Variants in GOLGA4 observed in about 807,000 individuals in gnomAD.
GOLGA4 encodes golgin A4.
Under a neutral mutation model 265.9 loss-of-function variants are expected in GOLGA4, and 169 were observed. The observed-to-expected ratio is 0.64, with a 90% CI of 0.56 to 0.72. The LOEUF (loss-of-function observed/expected upper bound fraction) is 0.72. Among genes scored for constraint, GOLGA4 ranks in the 30% least tolerant of loss-of-function variants. The pLI, the probability that GOLGA4 is intolerant of heterozygous loss-of-function variation, is 0.00. For missense variants in GOLGA4, 2,482 were observed against 2,483.4 expected (o/e 1.00, Z 0.01); for synonymous variants, 923 against 855.8 (o/e 1.08, Z -1.37).
chr3:37,275,663 G>A (rs1169113609), intron 2 of GOLGA4: 11 of 1,610,976 alleles, frequency 6.8e-6, no homozygotes, highest in Non-Finnish European at 9.3e-6. Flanking sequence ...CTTGCCAGCG[G>A]GGTGGGCGCG....
chr3:37,315,664 A>G (rs1342309145), intron 11 of GOLGA4, 66 bp downstream of exon 11: 15 of 1,242,734 alleles, frequency 1.2e-5, no homozygotes, highest in South Asian at 5.1e-5. Context: ...TTTTCCTTAC[A>G]CTCTTTGACT....
In GOLGA4 at chr3:37,319,072, G is replaced by C. The variant is rs140732015; in HGVS notation, c.1423G>C (p.Glu475Gln). The change falls in exon 12 of 24, where the codon GAA becomes CAA. Residue 475 changes from glutamate (E) to glutamine (Q), a missense_variant. Coordinates refer to ENST00000361924, the MANE Select transcript of GOLGA4 (RefSeq NM_002078.5). ...TTTGGCTCATTTTCAGAAATCCTCA[G>C]AAGAACAAATTGCTAAGCTACAGAA... is the stretch of plus-strand genomic sequence containing the variant. ...EVVDVMKKSS[E>Q]EQIAKLQKLH... The C allele has an allele frequency of 1.1e-5, 17 of 1,590,066 alleles. No homozygotes were observed. The highest frequency in any genetic ancestry group is 2.7e-5 in the African/African-American group (2 of 73,614).
rs112449483 is a variant in GOLGA4, at chr3:37,274,942, G to A, written c.163-7016G>A. ...CTAACAAATGTTTAGGGCCGGGTGCGGTGGCTCATGCCTGTAATCCCAGCA... is the reference window on the plus strand; with the variant it reads ...CTAACAAATGTTTAGGGCCGGGTGCAGTGGCTCATGCCTGTAATCCCAGCA... On this transcript the variant is annotated intron_variant, in intron 2 of 23. Transcript: ENST00000361924. 3.5e-3 allele frequency among the ~76,000 whole-genome samples: 537 copies of A among 151,422 alleles called. 4 individuals are homozygous for A. Among genetic ancestry groups the A allele is most frequent in the African/African-American group, 0.012 (505 of 41,316 alleles).
intron 20 of GOLGA4, among the ~76,000 whole-genome samples, chr3:37,341,064 G>A (rs2097032218): frequency 6.6e-6 from 1 of 152,086 alleles, no homozygotes; most frequent in Non-Finnish European, 1.5e-5. Flanking sequence ...CTACATGGGA[G>A]GCTGAGGCAG....
Position 37,326,525 on chromosome 3 carries a change from G to A in GOLGA4, c.4639G>A (p.Val1547Ile), listed in dbSNP as rs770691245. The change falls in exon 14 of 24, where the codon GTT (valine) becomes ATT (isoleucine). Residue 1547 changes from valine (V) to isoleucine (I), a missense_variant. Val to Ile is a conservative substitution (Grantham distance 29). This residue lies in a region of GOLGA4 where 942 missense variants were observed against 983.1 expected (regional missense o/e 0.96). Coordinates refer to ENST00000361924, the MANE Select transcript of GOLGA4 (RefSeq NM_002078.5). ...TATTGAAATAGAGTCCTTAAATGAA[G>A]TTCTTAAAAATTACAATCAACAAAA... ...KTIEIESLNE[V>I]LKNYNQQKDI... is the part of the protein sequence containing the mutation. The A allele has an allele frequency of 1.2e-6, 2 of 1,606,796 alleles. No homozygotes were observed. Among genetic ancestry groups the A allele is most frequent in the African/African-American group, 1.3e-5 (1 of 74,462 alleles).
At chr3:37,335,249 C>T in intron 17 of GOLGA4, 83 bp downstream of exon 17, 1 of 718,782 alleles carries the variant, frequency 1.4e-6, no homozygotes. Flanking sequence ...AACATACATA[C>T]ATATTTATCT....
intron 2 of GOLGA4, among the ~76,000 whole-genome samples, chr3:37,266,123 T>C (rs1424007992): frequency 6.6e-6 from 1 of 152,050 alleles, no homozygotes; most frequent in Non-Finnish European, 1.5e-5. Context: ...TTACGTAGCT[T>C]GCGTGTCTGA....
rs756153462 is a variant in GOLGA4 at position 37,299,369 on chromosome 3, A to T, written c.1084A>T (p.Lys362Ter). ...CTTAATTGAACAGCTTGAACAAGAT[A>T]AGGTAAAACAACAAAACCTATGATA... ...KNLIEQLEQD[K>*]GMVIAETKRQ... The change falls in exon 9 of 24, where the codon AAG (lysine) becomes TAG (stop). Residue 362 changes from lysine to a stop codon, truncating the protein, a stop_gained and splice_region_variant. Coordinates refer to ENST00000361924, the MANE Select transcript of GOLGA4 (RefSeq NM_002078.5). LOFTEE classifies it high-confidence loss of function. 5 of 1,598,710 alleles carry T rather than the reference A, an allele frequency of 3.1e-6. No individual in the cohort carries two copies. The highest frequency in any genetic ancestry group is 4.3e-6 in the Non-Finnish European group (5 of 1,167,858).
chr3:37,309,319 G>A (rs1213964944), intron 10 of GOLGA4, among the ~76,000 whole-genome samples: 2 of 151,958 alleles, frequency 1.3e-5, no homozygotes, highest in Non-Finnish European at 2.9e-5. Context: ...ACTTTGGGAG[G>A]CCGAGGCGGG....
intron 11 of GOLGA4, among the ~76,000 whole-genome samples, chr3:37,317,355 A>G (rs1375111610): frequency 6.6e-6 from 1 of 151,990 alleles, no homozygotes; most frequent in Non-Finnish European, 1.5e-5. Flanking sequence ...TTTTTAGTAG[A>G]GATGGGGTTT....
chr3:37,363,697 T>C (rs1054562665), intron 23 of GOLGA4, among the ~76,000 whole-genome samples: 1 of 152,180 alleles, frequency 6.6e-6, no homozygotes, highest in African/African-American at 2.4e-5. Context: ...GTTATTACAC[T>C]CAGGAAGTTT....
At chr3:37,310,598 T>C (rs1349816720) in intron 10 of GOLGA4, among the ~76,000 whole-genome samples, 1 of 152,158 alleles carries the variant, frequency 6.6e-6, no homozygotes, top group South Asian at 2.1e-4. Context: ...TGGATGTGAG[T>C]GAACCTCATC....
At chr3:37,341,595 T>C (rs964348474) in intron 20 of GOLGA4, 11 of 152,206 alleles carry the variant, frequency 7.2e-5, no homozygotes, top group African/African-American at 2.7e-4. Context: ...GCTGCAAAGA[T>C]TATTTACTAT....
Position 37,325,794 on chromosome 3 carries a change from A to T in GOLGA4, c.3908A>T (p.Glu1303Val). 2 of 1,613,326 alleles carry T rather than the reference A, an allele frequency of 1.2e-6. No homozygotes were observed. The highest frequency in any genetic ancestry group is 1.7e-6 in the Non-Finnish European group (2 of 1,179,572). Reference sequence around the variant, plus strand: ...GCTACTCATCAGTTAGAAGAAAAAGAAAATCAAATTAAGAGCATGAAGGCT... The same window carrying T: ...GCTACTCATCAGTTAGAAGAAAAAGTAAATCAAATTAAGAGCATGAAGGCT... ...QQATHQLEEK[E>V]NQIKSMKADI... The change falls in exon 14 of 24, where the codon GAA (glutamate) becomes GTA (valine). Residue 1303 changes from glutamate (E) to valine (V), a missense_variant. This residue lies in a region of GOLGA4 where 1,536 missense variants were observed against 1,483.7 expected (regional missense o/e 1.04). Transcript: ENST00000361924.
chr3:37,273,473 T>G (rs1470908648), intron 2 of GOLGA4: 2 of 864,002 alleles, frequency 2.3e-6, no homozygotes, highest in Admixed American at 4.1e-5. Flanking sequence ...GCTTTATTCT[T>G]AACAGTTTTA....
At position 37,326,514 on chromosome 3, in the gene GOLGA4, C is replaced by G. The variant is rs1311182710; in HGVS notation, c.4628C>G (p.Ser1543Cys). Reference protein sequence around the residue: ...HITQKTIEIESLNEVLKNYNQ... With the variant: ...HITQKTIEIECLNEVLKNYNQ... ...ACCCAGAAAACTATTGAAATAGAGT[C>G]CTTAAATGAAGTTCTTAAAAATTAC... The change falls in exon 14 of 24, where the codon TCC becomes TGC. Residue 1543 changes from serine (S) to cysteine (C), a missense_variant. Around this residue, in one of 3 missense-constraint regions of GOLGA4, gnomAD observed 942 missense variants for 983.1 expected, o/e 0.96. Coordinates refer to ENST00000361924, the MANE Select transcript of GOLGA4 (RefSeq NM_002078.5). 6.2e-7 allele frequency: 1 copy of G among 1,606,398 alleles called. No homozygotes were observed. Among genetic ancestry groups the G allele is most frequent in the Non-Finnish European group, 8.5e-7 (1 of 1,175,862 alleles).
rs2096760109 is a variant in GOLGA4, at chr3:37,258,333, T to C, written c.162+6849T>C. On this transcript the variant is annotated intron_variant, in intron 2 of 23. Transcript: ENST00000361924. ...AGAGAGCATATATATATGCTGTCTG[T>C]ATATATATATGCTCTGTATATATAT... Among the ~76,000 whole-genome samples the C allele has an allele frequency of 1.3e-5, 2 of 150,134 alleles. 1 individual carries two copies. The highest frequency in any genetic ancestry group is 4.9e-5 in the African/African-American group (2 of 40,774).
At chr3:37,336,991 C>T (rs1163050839) in intron 17 of GOLGA4, 152 bp from the exon 18 acceptor site, 2 of 609,742 alleles carry the variant, frequency 3.3e-6, no homozygotes, top group African/African-American at 3.8e-5. Context: ...TTTAGAAGCA[C>T]ATATTTAAAG....
Position 37,262,415 on chromosome 3 carries a change from CAGG to C in GOLGA4, c.162+10934_162+10936del, listed in dbSNP as rs562278337. Among the ~76,000 whole-genome samples, 28 of 151,842 alleles carry C rather than the reference CAGG, an allele frequency of 1.8e-4. No individual in the cohort carries two copies. In the East Asian group the frequency reaches 5.2e-3, roughly 28 times the overall value. On this transcript the variant is annotated intron_variant, in intron 2 of 23. Coordinates refer to ENST00000361924, the MANE Select transcript of GOLGA4 (RefSeq NM_002078.5). ...CAGCTACTCGGGAGGCTGAATGAGG[CAGG>C]AGAATTAGTTGAACGCGGGAGGTGG...
Sources: allele counts gnomAD v4.1 joint callset (sites outside exome capture counted in the v4.1 genomes callset), GRCh38; gene constraint gnomAD v4.1.1; regional missense constraint gnomAD v4.1.1; transcripts MANE v1.5; gene names NCBI Gene and HGNC (gene_info 2026-07-23, HGNC 2026-07-21).